ARF3: variants seen among roughly 807,000 people sequenced by gnomAD.
ARF3 encodes the protein ARF GTPase 3, also known as ADP-ribosylation factor 3.
Under a neutral mutation model 19.3 loss-of-function variants are expected in ARF3, and 5 were observed. That is an observed-to-expected ratio of 0.26 (90% CI 0.14 to 0.54). The LOEUF is 0.54. ARF3 is among the 20% of genes least tolerant of loss of function. ARF3 has a pLI of 0.95. For missense variants in ARF3, 77 were observed against 234.2 expected (o/e 0.33, Z 4.38); for synonymous variants, 71 against 89.2 (o/e 0.80, Z 1.15).
chr12:48,953,212 A>G (rs1384452283), intron 1 of ARF3: 1 of 152,106 alleles, frequency 6.6e-6, no homozygotes, highest in African/African-American at 2.4e-5. Flanking sequence ...GTGGTCTCTG[A>G]TCCTTTTCCC....
intron 1 of ARF3, among the ~76,000 whole-genome samples, chr12:48,956,767 T>C (rs939575473): frequency 4.6e-4 from 70 of 152,020 alleles, no homozygotes; most frequent in Middle Eastern, 3.4e-3. Context: ...TCTACCACAA[T>C]AGCGCCCATG....
chr12:48,948,268 A>C (rs560961498), intron 1 of ARF3, among the ~76,000 whole-genome samples: 1 of 111,098 alleles, frequency 9.0e-6, no homozygotes, highest in Non-Finnish European at 1.9e-5. Context: ...AATTTATATA[A>C]TCTTTTTTTT....
chr12:48,955,048 T>C (rs998835604), intron 1 of ARF3, among the ~76,000 whole-genome samples: 5 of 152,176 alleles, frequency 3.3e-5, no homozygotes, highest in African/African-American at 1.2e-4. Flanking sequence ...TTCAGTTACA[T>C]ACTCAACTTT....
At position 48,939,133 on chromosome 12, in the gene ARF3, A is replaced by G. The variant is rs768908621; in HGVS notation, c.385-25T>C. 6.2e-7 allele frequency: 1 copy of G among 1,601,682 alleles called. No individual in the cohort carries two copies. Among genetic ancestry groups the G allele is most frequent in the Admixed American group, 1.7e-5 (1 of 58,686 alleles). On this transcript the variant is annotated intron_variant, in intron 4 of 4. Transcript: ENST00000256682. The surrounding 1 kb of genome is among the most constrained non-coding windows in gnomAD (Gnocchi z 4.8). ...CCTGGAGCACGTGGGAGACACATAA[A>G]AAGAAGCCTCAGGATTTTTTAAAGG...
intron 1 of ARF3, among the ~76,000 whole-genome samples, chr12:48,945,983 A>G (rs1462620090): frequency 6.6e-6 from 1 of 152,116 alleles, no homozygotes; most frequent in Non-Finnish European, 1.5e-5. Context: ...TTATATTTTT[A>G]GTAGAGACGG....
chr12:48,950,119 C>T (rs1940438068), intron 1 of ARF3, among the ~76,000 whole-genome samples: 2 of 152,188 alleles, frequency 1.3e-5, no homozygotes, highest in South Asian at 4.1e-4. Flanking sequence ...CAGGTGCCCT[C>T]ATGGTGCGCT....
chr12:48,938,500 A>G lies in ARF3; in HGVS notation c.*447T>C. On this transcript the variant is annotated 3_prime_UTR_variant, in exon 5 of 5. Coordinates refer to ENST00000256682, the MANE Select transcript of ARF3 (RefSeq NM_001659.3). ...CAGGCGCACACATGCACGCAAACAC[A>G]GAGAGGCCCGTGCAATTTCCATGTA... 1 of 450,940 alleles carries G rather than the reference A, an allele frequency of 2.2e-6. No individual in the cohort carries two copies. Among genetic ancestry groups the G allele is most frequent in the Non-Finnish European group, 4.5e-6 (1 of 223,542 alleles). 27.9% of individuals were successfully genotyped at this position (450,940 alleles called of 1,614,324 possible). A position where few individuals can be genotyped will look rare whatever the true frequency, so the allele number is the denominator to read the frequency against.
At chr12:48,955,725 G>A (rs575284490) in intron 1 of ARF3, 1 of 152,304 alleles carries the variant, frequency 6.6e-6, no homozygotes, top group African/African-American at 2.4e-5. Context: ...AAGAGGAGAC[G>A]AAATCCAGTT....
intron 1 of ARF3, among the ~76,000 whole-genome samples, chr12:48,948,244 T>C (rs989950845): frequency 6.8e-6 from 1 of 147,544 alleles, no homozygotes; most frequent in Non-Finnish European, 1.5e-5. Flanking sequence ...AAGTTTCAGA[T>C]AGCACTTTAA....
intron 2 of ARF3, among the ~76,000 whole-genome samples, 186 bp downstream of exon 2, chr12:48,940,762 A>G (rs749606603): frequency 6.6e-6 from 1 of 152,360 alleles, no homozygotes; most frequent in African/African-American, 2.4e-5. Context: ...AGGGAGAGCC[A>G]GGTTAGGTGG....
At chr12:48,946,095 G>A (rs1396358017) in intron 1 of ARF3, among the ~76,000 whole-genome samples, 1 of 152,148 alleles carries the variant, frequency 6.6e-6, no homozygotes, top group South Asian at 2.1e-4. Flanking sequence ...GACCCACCAC[G>A]TCTGGCCATG....
chr12:48,951,714 T>C (rs1468446137), intron 1 of ARF3, among the ~76,000 whole-genome samples: 1 of 151,932 alleles, frequency 6.6e-6, no homozygotes, highest in Non-Finnish European at 1.5e-5. Context: ...ACCCTGTCTC[T>C]ACTAAAAGTA....
At chr12:48,949,676 A>G (rs924283098) in intron 1 of ARF3, among the ~76,000 whole-genome samples, 1 of 151,966 alleles carries the variant, frequency 6.6e-6, no homozygotes, top group Non-Finnish European at 1.5e-5. Flanking sequence ...CCAAGTAGCT[A>G]GAACTACAGG....
At chr12:48,951,445 G>A (rs559476491) in intron 1 of ARF3, among the ~76,000 whole-genome samples, 13 of 151,588 alleles carry the variant, frequency 8.6e-5, no homozygotes, top group African/African-American at 2.4e-4. Context: ...CTGTAATCCC[G>A]GCTACTCAGG....
At chr12:48,945,641 T>C (rs1485379915) in intron 1 of ARF3, among the ~76,000 whole-genome samples, 1 of 151,812 alleles carries the variant, frequency 6.6e-6, no homozygotes, top group Admixed American at 6.6e-5. Context: ...GAGAATCGCT[T>C]GAACCCAGGA....
chr12:48,939,128 C>A lies in ARF3; in HGVS notation c.385-20G>T. 6.2e-7 allele frequency: 1 copy of A among 1,602,350 alleles called. No individual in the cohort carries two copies. Among genetic ancestry groups the A allele is most frequent in the Non-Finnish European group, 8.5e-7 (1 of 1,172,364 alleles). ...CAGATCCTGGAGCACGTGGGAGACA[C>A]ATAAAAAGAAGCCTCAGGATTTTTT... On this transcript the variant is annotated intron_variant, in intron 4 of 4. Transcript: ENST00000256682. The surrounding 1 kb of genome is among the most constrained non-coding windows in gnomAD (Gnocchi z 4.8).
At chr12:48,950,252 G>C (rs933263738) in intron 1 of ARF3, among the ~76,000 whole-genome samples, 1 of 151,494 alleles carries the variant, frequency 6.6e-6, no homozygotes, top group Non-Finnish European at 1.5e-5. Flanking sequence ...CTGGAGTGCA[G>C]TGGCGTGATA....
chr12:48,945,351 G>A (rs376269227), intron 1 of ARF3, among the ~76,000 whole-genome samples: 14 of 152,080 alleles, frequency 9.2e-5, no homozygotes, highest in African/African-American at 2.2e-4. Context: ...AGGCCAAGGC[G>A]GGCGGAACAC....
chr12:48,948,578 C>A (rs1457116105), intron 1 of ARF3, among the ~76,000 whole-genome samples: 2 of 151,828 alleles, frequency 1.3e-5, no homozygotes, highest in Non-Finnish European at 2.9e-5. Flanking sequence ...TTTGGGAGGC[C>A]GAGGTGGGCG....
Sources: allele counts gnomAD v4.1 joint callset (sites outside exome capture counted in the v4.1 genomes callset), GRCh38; gene constraint gnomAD v4.1.1; non-coding constraint Gnocchi (gnomAD v3.1); transcripts MANE v1.5; gene names NCBI Gene and HGNC (gene_info 2026-07-23, HGNC 2026-07-21).